The following SGO2 variants were observed in gnomAD, a reference collection of about 807,000 sequenced individuals.
SGO2 encodes shugoshin 2.
A neutral mutation model predicts 99.5 loss-of-function variants in SGO2; 68 were observed. The observed-to-expected ratio is 0.68, with a 90% confidence interval of 0.56 to 0.84. The LOEUF is 0.84. SGO2 is among the 40% of genes least tolerant of loss of function. The pLI is 0.00. For missense variants in SGO2, 1,350 were observed against 1,436.7 expected (o/e 0.94, Z 0.97); for synonymous variants, 457 against 487.1 (o/e 0.94, Z 0.81).
Position 200,572,332 on chromosome 2 carries a change from A to G in SGO2, c.1986A>G (p.Glu662=). The G allele has an allele frequency of 6.2e-7, 1 of 1,609,728 alleles. No individual in the cohort carries two copies. The highest frequency in any genetic ancestry group is 8.5e-7 in the Non-Finnish European group (1 of 1,178,706). Residue 662 remains glutamate, a synonymous_variant, in exon 7 of 9, where the codon GAA becomes GAG. Transcript: ENST00000357799. ...AAGAACCTATCTCTGAAAACATAGA[A>G]GTTTCCAAAGAGCTTCAAATCCCAG... is the stretch of plus-strand genomic sequence containing the variant. The part of the protein sequence containing the change: ...EDKEPISENI[E]VSKELQIPAL...
In SGO2 at chr2:200,535,182, T is replaced by A; in HGVS notation, c.309+11T>A. The A allele has an allele frequency of 6.8e-7, 1 of 1,478,646 alleles. No individual in the cohort carries two copies. The highest frequency in any genetic ancestry group is 1.4e-5 in the South Asian group (1 of 69,488). 91.6% of individuals were successfully genotyped at this position (1,478,646 alleles called of 1,614,324 possible). On this transcript the variant is annotated intron_variant, in intron 3 of 8. Coordinates refer to ENST00000357799, the MANE Select transcript of SGO2 (RefSeq NM_152524.6). ...AAGCTAAATAACTTGGTATGTAAGCTATATTGTTTTTGAATTCTAATTATA... is the reference window on the plus strand; with the variant it reads ...AAGCTAAATAACTTGGTATGTAAGCAATATTGTTTTTGAATTCTAATTATA...
intron 4 of SGO2, among the ~76,000 whole-genome samples, chr2:200,540,596 A>G (rs2031918088): frequency 6.6e-6 from 1 of 152,238 alleles, no homozygotes; most frequent in Non-Finnish European, 1.5e-5. Context: ...CTGAAGAGTG[A>G]TGAAAATCCT....
intron 5 of SGO2, among the ~76,000 whole-genome samples, chr2:200,568,065 C>T (rs2033258923): frequency 6.6e-6 from 1 of 152,218 alleles, no homozygotes; most frequent in Non-Finnish European, 1.5e-5. Context: ...CACCATTTTA[C>T]ATTCCCGCCA....
chr2:200,565,195 G>A (rs1270380833), intron 5 of SGO2, among the ~76,000 whole-genome samples: 2 of 152,098 alleles, frequency 1.3e-5, no homozygotes, highest in Non-Finnish European at 2.9e-5. Flanking sequence ...TGCAGTGGCT[G>A]GTACCAGTTG....
chr2:200,554,394 T>C (rs1455871361), intron 5 of SGO2, among the ~76,000 whole-genome samples: 1 of 152,190 alleles, frequency 6.6e-6, no homozygotes, highest in Non-Finnish European at 1.5e-5. Flanking sequence ...TGGAAGTTTT[T>C]TCCTCTATTC....
intron 5 of SGO2, among the ~76,000 whole-genome samples, chr2:200,557,170 T>C (rs1457209353): frequency 6.6e-6 from 1 of 152,188 alleles, no homozygotes; most frequent in Non-Finnish European, 1.5e-5. Flanking sequence ...CCAAATTTGT[T>C]CGTAGCCAAG....
chr2:200,548,050 G>C (rs78066874), intron 5 of SGO2, among the ~76,000 whole-genome samples: 24,586 of 148,798 alleles, frequency 0.17, 2,281 homozygotes, highest in Non-Finnish European at 0.21. Flanking sequence ...AATAGTAGGG[G>C]GCTTTAACAT....
chr2:200,526,386 C>G lies in SGO2; in HGVS notation c.-3+134C>G, dbSNP rs1050020238. The G allele has an allele frequency of 6.6e-6, 1 of 152,272 alleles. No individual in the cohort carries two copies. The highest frequency in any genetic ancestry group is 1.5e-5 in the Non-Finnish European group (1 of 68,082). The allele number at this position is 152,272 out of a possible 1,614,324, so 9.4% of individuals were successfully genotyped here. ...CTTCCGCCCTCTGTCCTCCGGGATC[C>G]GGGACGGCGGCCCCTCTCCGGCTAC... On this transcript the variant is annotated intron_variant, in intron 1 of 8. Coordinates refer to ENST00000357799, the MANE Select transcript of SGO2 (RefSeq NM_152524.6). This position sits in a 1 kb window ranked among gnomAD's most constrained non-coding sequence, Gnocchi z 4.8.
intron 5 of SGO2, among the ~76,000 whole-genome samples, chr2:200,545,110 G>T (rs530231268): frequency 6.6e-6 from 1 of 152,202 alleles, no homozygotes; most frequent in Admixed American, 6.5e-5. Context: ...GGGCTCAAGC[G>T]ATCCTCTCTC....
At chr2:200,575,508 T>TA (rs768123866) in intron 8 of SGO2, 47 bp downstream of exon 8, 3 of 1,428,248 alleles carry the variant, frequency 2.1e-6, no homozygotes, top group Non-Finnish European at 2.8e-6. Context: ...AATATATCCT[T>TA]AAAAAAATTT....
chr2:200,536,232 C>T, intron 4 of SGO2, 90 bp downstream of exon 4: 1 of 771,214 alleles, frequency 1.3e-6, no homozygotes, highest in Non-Finnish European at 2.1e-6. Context: ...TAGAGATTCA[C>T]ATTTCAAGTT....
intron 5 of SGO2, among the ~76,000 whole-genome samples, chr2:200,550,289 A>G (rs919053475): frequency 6.6e-6 from 1 of 152,224 alleles, no homozygotes; most frequent in Non-Finnish European, 1.5e-5. Flanking sequence ...CAATTTACAG[A>G]TTCAATACAA....
chr2:200,573,074 G>A lies in SGO2; in HGVS notation c.2728G>A (p.Val910Met), dbSNP rs2033512258. The A allele has an allele frequency of 1.3e-6, 2 of 1,574,946 alleles. No homozygotes were observed. Among genetic ancestry groups the A allele is most frequent in the Non-Finnish European group, 1.7e-6 (2 of 1,169,178 alleles). ...ESKINKLRNK[V>M]NWKTEIISEM... The stretch of plus-strand genomic sequence containing the variant: ...AAAAATAAATAAGCTCAGGAATAAA[G>A]TGAATTGGAAGACAGAAATAATTTC... Residue 910 changes from valine (V) to methionine (M), a missense_variant, in exon 7 of 9, where the codon GTG (valine) becomes ATG (methionine). By Grantham distance (21) the Val-to-Met change is conservative. Transcript: ENST00000357799.
intron 5 of SGO2, among the ~76,000 whole-genome samples, chr2:200,563,633 G>T (rs1331894712): frequency 1.3e-5 from 2 of 152,174 alleles, no homozygotes; most frequent in East Asian, 3.9e-4. Flanking sequence ...AGAAGGAATG[G>T]TACCAACTCC....
chr2:200,580,882 C>G lies in SGO2; in HGVS notation c.3783-2567C>G, dbSNP rs894735540. Among the ~76,000 whole-genome samples, 6 of 152,084 alleles carry G rather than the reference C, an allele frequency of 3.9e-5. No homozygotes were observed. The South Asian group carries it at 8.3e-4, about 21-fold the overall frequency. On this transcript the variant is annotated intron_variant, in intron 8 of 8. Coordinates refer to ENST00000357799, the MANE Select transcript of SGO2 (RefSeq NM_152524.6). The stretch of plus-strand genomic sequence containing the variant: ...ACAAAAAAATTTTTTTTTAAAGTGT[C>G]TTTTGCAATCAATTTTTCTCTGATC...
chr2:200,583,185 A>G (rs2033895293), intron 8 of SGO2, among the ~76,000 whole-genome samples: 2 of 152,222 alleles, frequency 1.3e-5, no homozygotes, highest in Admixed American at 6.5e-5. Flanking sequence ...TCTAACAAAA[A>G]GGAACTATGT....
At chr2:200,576,305 G>T (rs1269584053) in intron 8 of SGO2, among the ~76,000 whole-genome samples, 1 of 151,670 alleles carries the variant, frequency 6.6e-6, no homozygotes, top group East Asian at 1.9e-4. Flanking sequence ...ACCAGATGTG[G>T]TGGCTCACAC....
chr2:200,538,484 T>A (rs2031805499), intron 4 of SGO2, among the ~76,000 whole-genome samples: 1 of 152,156 alleles, frequency 6.6e-6, no homozygotes, highest in East Asian at 1.9e-4. Flanking sequence ...CTTTAATCTT[T>A]CTCCTTAACA....
intron 4 of SGO2, among the ~76,000 whole-genome samples, chr2:200,542,078 T>TA (rs1453326611): frequency 6.6e-6 from 1 of 152,192 alleles, no homozygotes; most frequent in Admixed American, 6.5e-5. Context: ...AGCTCTGTAA[T>TA]AAAAAACATG....
Sources: allele counts gnomAD v4.1 joint callset (sites outside exome capture counted in the v4.1 genomes callset), GRCh38; gene constraint gnomAD v4.1.1; non-coding constraint Gnocchi (gnomAD v3.1); transcripts MANE v1.5; gene names NCBI Gene and HGNC (gene_info 2026-07-23, HGNC 2026-07-21).